Variants in SLC30A10 observed in about 807,000 individuals in gnomAD.
The protein encoded by SLC30A10 is solute carrier family 30 member 10, also known as calcium/manganese antiporter SLC30A10.
In SLC30A10, 8 loss-of-function variants were observed where a neutral mutation model predicts 21.7. The ratio of observed to expected loss-of-function variants is 0.37; its 90% CI spans 0.22 to 0.67. The LOEUF is 0.67. Ranked by LOEUF, SLC30A10 falls within the 30% of genes least tolerant of loss-of-function variation. The probability of loss-of-function intolerance (pLI) is 0.58; values close to 1 mark genes in which losing one functional copy is unlikely to be tolerated. For synonymous variants in SLC30A10, 272 were observed against 279.4 expected (o/e 0.97, Z 0.26); for missense variants, 521 against 642.5 (o/e 0.81, Z 2.04).
chr1:219,911,162 T>TTTTTTTTTTTG lies in SLC30A10; in HGVS notation c.*4286_*4287insCAAAAAAAAAA, dbSNP rs1659406971. On this transcript the variant is annotated 3_prime_UTR_variant, in exon 4 of 4. Transcript: ENST00000366926. ...TTTTCTACATCAGTTTTTTTTTTTT[T>TTTTTTTTTTTG]TTTTTTTTTTTTGCAGTCTTTTACT... 6.9e-6 allele frequency among the ~76,000 whole-genome samples: 1 copy of TTTTTTTTTTTG among 144,004 alleles called. No homozygotes were observed. The highest frequency in any genetic ancestry group is 1.5e-5 in the Non-Finnish European group (1 of 65,734). The allele number at this position is 144,004 out of a possible 152,430, so 94.5% of individuals were successfully genotyped here.
At chr1:219,937,001 C>A (rs1660053969) in intron 1 of SLC30A10, among the ~76,000 whole-genome samples, 1 of 152,140 alleles carries the variant, frequency 6.6e-6, no homozygotes, top group Admixed American at 6.5e-5. Context: ...TTTTGGTTGA[C>A]TGGATTTCAT....
Position 219,915,300 on chromosome 1 carries a change from TA to T in SLC30A10, c.*148del. 3.1e-6 allele frequency: 3 copies of T among 973,902 alleles called. No individual in the cohort carries two copies. Among genetic ancestry groups the T allele is most frequent in the Non-Finnish European group, 4.6e-6 (3 of 645,516 alleles). The allele number at this position is 973,902 out of a possible 1,614,324, so 60.3% of individuals were successfully genotyped here. A position where few individuals can be genotyped will look rare whatever the true frequency, so the allele number is the denominator to read the frequency against. ...ATAAAAATTCACAGACACGTTTAAC[TA>T]AAATCCCAAACAGCCAACCCCTAGT... is the stretch of plus-strand genomic sequence containing the variant. On this transcript the variant is annotated 3_prime_UTR_variant, in exon 4 of 4. Transcript: ENST00000366926.
At chr1:219,920,234 C>A (rs1659646291) in intron 2 of SLC30A10, among the ~76,000 whole-genome samples, 1 of 152,132 alleles carries the variant, frequency 6.6e-6, no homozygotes, top group Non-Finnish European at 1.5e-5. Context: ...AACACCCCAC[C>A]CCCAAAGGAG....
In SLC30A10 at chr1:219,918,559, T is replaced by G. The variant is rs940905157; in HGVS notation, c.719-65A>C. 38 of 1,515,190 alleles carry G rather than the reference T, an allele frequency of 2.5e-5. No homozygotes were observed. The highest frequency in any genetic ancestry group is 3.0e-5 in the Non-Finnish European group (34 of 1,132,276). The allele number at this position is 1,515,190 out of a possible 1,614,324, so 93.9% of individuals were successfully genotyped here. ...TGGAAGCCACGTGACACTCACTGAC[T>G]TGGGTGTCCGGGTATATGAATATCT... On this transcript the variant is annotated intron_variant, in intron 2 of 3. Coordinates refer to ENST00000366926, the MANE Select transcript of SLC30A10 (RefSeq NM_018713.3). This position sits in a 1 kb window ranked among gnomAD's most constrained non-coding sequence, Gnocchi z 4.4.
At chr1:219,934,870 A>G (rs931822553) in intron 1 of SLC30A10, among the ~76,000 whole-genome samples, 1 of 152,214 alleles carries the variant, frequency 6.6e-6, no homozygotes, top group Admixed American at 6.5e-5. Context: ...TCCAGGTCAC[A>G]AGGACAACCC....
chr1:219,938,155 T>C (rs986566422), intron 1 of SLC30A10, among the ~76,000 whole-genome samples: 3 of 152,194 alleles, frequency 2.0e-5, no homozygotes, highest in Non-Finnish European at 4.4e-5. Context: ...GGCACTTATA[T>C]CCAAATCTGC....
Position 219,928,191 on chromosome 1 carries a change from T to C in SLC30A10, c.250A>G (p.Ser84Gly), listed in dbSNP as rs925518306. ...AGCGCGGTGAGGAAGACCGCGTTGCTCAGCGCGCCCACCACCTCGGCGCGG... is the reference window on the plus strand; with the variant it reads ...AGCGCGGTGAGGAAGACCGCGTTGCCCAGCGCGCCCACCACCTCGGCGCGG... ...YARAEVVGAL[S>G]NAVFLTALCF... The change falls in exon 1 of 4, where the codon AGC becomes GGC. Residue 84 changes from serine (S) to glycine (G), a missense_variant. Coordinates refer to ENST00000366926, the MANE Select transcript of SLC30A10 (RefSeq NM_018713.3). This position sits in a 1 kb window ranked among gnomAD's most constrained non-coding sequence, Gnocchi z 6.3. 1.9e-6 allele frequency: 3 copies of C among 1,559,488 alleles called. No individual in the cohort carries two copies.
At chr1:219,951,171 G>A (rs1229113840) in intron 1 of SLC30A10, among the ~76,000 whole-genome samples, 2 of 151,850 alleles carry the variant, frequency 1.3e-5, no homozygotes, top group African/African-American at 4.8e-5. Context: ...ATGTTGCCGA[G>A]GCTGGTCTCA....
rs780124591 is a variant in SLC30A10 at position 219,928,338 on chromosome 1, T to C, written c.103A>G (p.Ile35Val). Residue 35 changes from isoleucine (I) to valine (V), a missense_variant, in exon 1 of 4, where the codon ATC becomes GTC. By Grantham distance (29) the Ile-to-Val change is conservative. Transcript: ENST00000366926. This position sits in a 1 kb window ranked among gnomAD's most constrained non-coding sequence, Gnocchi z 6.3. ...TTGAAGGAGTCGGAGAGCAGCGCGA[T>C]GGAGTTGCCCAGGTAGCCGGAGACC... ...ELVSGYLGNSIALLSDSFNML... is the reference protein window; with the variant it reads ...ELVSGYLGNSVALLSDSFNML... 1 of 1,613,060 alleles carries C rather than the reference T, an allele frequency of 6.2e-7. No homozygotes were observed. The highest frequency in any genetic ancestry group is 1.7e-5 in the Admixed American group (1 of 59,968).
chr1:219,925,260 G>A (rs1471164692), intron 2 of SLC30A10, among the ~76,000 whole-genome samples: 3 of 152,134 alleles, frequency 2.0e-5, no homozygotes, highest in South Asian at 4.1e-4. Flanking sequence ...TTGGCCGGGT[G>A]CAGTGGCTCA....
At chr1:219,943,321 A>G (rs1324659222) in intron 1 of SLC30A10, among the ~76,000 whole-genome samples, 1 of 152,216 alleles carries the variant, frequency 6.6e-6, no homozygotes, top group African/African-American at 2.4e-5. Context: ...TCAGGATGCT[A>G]TCAGTGAAGT....
chr1:219,939,381 A>C (rs1660087521), intron 1 of SLC30A10, among the ~76,000 whole-genome samples: 2 of 152,100 alleles, frequency 1.3e-5, no homozygotes, highest in African/African-American at 4.8e-5. Flanking sequence ...TGACTGTCCT[A>C]TCATTATGTG....
intron 1 of SLC30A10, among the ~76,000 whole-genome samples, chr1:219,942,765 G>T (rs1660138022): frequency 3.3e-5 from 5 of 152,162 alleles, no homozygotes; most frequent in Admixed American, 3.3e-4. Context: ...TCATGAAATG[G>T]CTGGGCAAGG....
In SLC30A10 at chr1:219,915,182, A is replaced by C. The variant is rs1659502990; in HGVS notation, c.*267T>G. 2 of 475,792 alleles carry C rather than the reference A, an allele frequency of 4.2e-6. No individual in the cohort carries two copies. The highest frequency in any genetic ancestry group is 3.8e-6 in the Non-Finnish European group (1 of 261,622). 29.5% of individuals were successfully genotyped at this position (475,792 alleles called of 1,614,324 possible). On this transcript the variant is annotated 3_prime_UTR_variant, in exon 4 of 4. Coordinates refer to ENST00000366926, the MANE Select transcript of SLC30A10 (RefSeq NM_018713.3). ...AGACTTTAATGTCCCTGATATATAC[A>C]CTAGTGCAGTTTGCTTTAGAAAATG...
chr1:219,925,653 T>A (rs201330129), intron 2 of SLC30A10, among the ~76,000 whole-genome samples: 1,325 of 45,684 alleles, frequency 0.029, 9 homozygotes, highest in South Asian at 0.069. Flanking sequence ...ATATATATAT[T>A]TTTTTTTTTT....
intron 1 of SLC30A10, among the ~76,000 whole-genome samples, chr1:219,936,547 G>T (rs1411990569): frequency 6.6e-6 from 1 of 152,142 alleles, no homozygotes; most frequent in African/African-American, 2.4e-5. Flanking sequence ...ACAATGCTTG[G>T]TTCAAGAGAT....
intron 1 of SLC30A10, among the ~76,000 whole-genome samples, chr1:219,935,361 T>C (rs2102540173): frequency 6.6e-6 from 1 of 152,324 alleles, no homozygotes; most frequent in Non-Finnish European, 1.5e-5. Flanking sequence ...GAAAAAAGCC[T>C]TTTGCCCAAG....
In SLC30A10 at chr1:219,912,991, T is replaced by A. The variant is rs188904923; in HGVS notation, c.*2458A>T. On this transcript the variant is annotated 3_prime_UTR_variant, in exon 4 of 4. Coordinates refer to ENST00000366926, the MANE Select transcript of SLC30A10 (RefSeq NM_018713.3). ...AAGGAAAACAGTGCTGTTTTAAATCTATTTATCAGCTGCTACTGCCACCAA... is the reference window on the plus strand; with the variant it reads ...AAGGAAAACAGTGCTGTTTTAAATCAATTTATCAGCTGCTACTGCCACCAA... Among the ~76,000 whole-genome samples, 4 of 152,336 alleles carry A rather than the reference T, an allele frequency of 2.6e-5. No homozygotes were observed. The highest frequency in any genetic ancestry group is 9.6e-5 in the African/African-American group (4 of 41,576).
chr1:219,912,888 C>T lies in SLC30A10; in HGVS notation c.*2561G>A, dbSNP rs961417209. On this transcript the variant is annotated 3_prime_UTR_variant, in exon 4 of 4. Coordinates refer to ENST00000366926, the MANE Select transcript of SLC30A10 (RefSeq NM_018713.3). ...ATTATGTCAGTTCTTTAAAAAAAGGCGGGGAGGAGGGGATTTTCTGTAAAT... is the reference window on the plus strand; with the variant it reads ...ATTATGTCAGTTCTTTAAAAAAAGGTGGGGAGGAGGGGATTTTCTGTAAAT... 2.6e-5 allele frequency among the ~76,000 whole-genome samples: 4 copies of T among 151,790 alleles called. No homozygotes were observed. Among genetic ancestry groups the T allele is most frequent in the Non-Finnish European group, 4.4e-5 (3 of 67,950 alleles).
Sources: allele counts gnomAD v4.1 joint callset (sites outside exome capture counted in the v4.1 genomes callset), GRCh38; gene constraint gnomAD v4.1.1; non-coding constraint Gnocchi (gnomAD v3.1); transcripts MANE v1.5; gene names NCBI Gene and HGNC (gene_info 2026-07-23, HGNC 2026-07-21).